KCNB2: variants seen among roughly 807,000 people sequenced by gnomAD.
KCNB2 encodes delayed rectifier potassium channel protein.
KCNB2 carries 15 observed loss-of-function variants against 61.5 expected under a neutral mutation model. The observed-to-expected ratio is 0.24, with a 90% CI of 0.16 to 0.38. The LOEUF is 0.38. Ranked by LOEUF, KCNB2 falls within the 10% of genes least tolerant of loss-of-function variation. The pLI, the probability that KCNB2 is intolerant of heterozygous loss-of-function variation, is 1.00. For missense variants in KCNB2, 828 were observed against 1,125.2 expected, an observed-to-expected ratio of 0.74 and a Z score of 3.78; for synonymous variants, 457 against 446.0, an observed-to-expected ratio of 1.02 and a Z score of -0.31.
chr8:72,790,064 G>A (rs1215442135), intron 2 of KCNB2, among the ~76,000 whole-genome samples: 3 of 152,140 alleles, frequency 2.0e-5, no homozygotes, highest in Non-Finnish European at 4.4e-5. Flanking sequence ...TGGGTTCAGA[G>A]TGGATGAAAG....
intron 2 of KCNB2, among the ~76,000 whole-genome samples, chr8:72,789,672 G>A (rs913832615): frequency 6.6e-6 from 1 of 152,140 alleles, no homozygotes. Flanking sequence ...GGACCCTGGA[G>A]TTTTTTGAGC....
intron 2 of KCNB2, among the ~76,000 whole-genome samples, chr8:72,904,922 T>C (rs1302991280): frequency 6.6e-6 from 1 of 152,126 alleles, no homozygotes; most frequent in Non-Finnish European, 1.5e-5. Context: ...CCTTGTCTTA[T>C]TCACTTTTGT....
chr8:72,557,137 G>T (rs1193553492), intron 1 of KCNB2, among the ~76,000 whole-genome samples: 1 of 152,112 alleles, frequency 6.6e-6, no homozygotes, highest in African/African-American at 2.4e-5. Context: ...ATTCTGATGG[G>T]ATGCAAGCAT....
At chr8:72,735,011 C>T (rs546993076) in intron 2 of KCNB2, among the ~76,000 whole-genome samples, 5 of 152,252 alleles carry the variant, frequency 3.3e-5, no homozygotes, top group Non-Finnish European at 5.9e-5. Flanking sequence ...GGACAAGATG[C>T]ATTTATCTGA....
At chr8:72,713,095 C>T (rs1032012976) in intron 2 of KCNB2, among the ~76,000 whole-genome samples, 14 of 152,202 alleles carry the variant, frequency 9.2e-5, no homozygotes, top group Admixed American at 3.9e-4. Context: ...AGCTGCAAGG[C>T]GGCAGCAAGG....
Position 72,640,412 on chromosome 8 carries a change from T to G in KCNB2, c.579+72099T>G, listed in dbSNP as rs140998850. Among the ~76,000 whole-genome samples, 379 of 152,168 alleles carry G rather than the reference T, an allele frequency of 2.5e-3. 3 individuals carry two copies. Among genetic ancestry groups the G allele is most frequent in the African/African-American group, 7.9e-3 (328 of 41,544 alleles). On this transcript the variant is annotated intron_variant, in intron 2 of 2. Coordinates refer to ENST00000523207, the MANE Select transcript of KCNB2 (RefSeq NM_004770.3). ...TTTTTTTCTTTATTATGGTCATCAGTGATCTGATGTCAAGGCATATTGTGG... is the reference window on the plus strand; with the variant it reads ...TTTTTTTCTTTATTATGGTCATCAGGGATCTGATGTCAAGGCATATTGTGG...
chr8:72,739,160 T>C (rs752020634), intron 2 of KCNB2, among the ~76,000 whole-genome samples: 1 of 152,046 alleles, frequency 6.6e-6, no homozygotes, highest in Non-Finnish European at 1.5e-5. Context: ...ATGTTCTCAC[T>C]CAAAGTTTCT....
At chr8:72,777,178 G>A (rs1374070833) in intron 2 of KCNB2, among the ~76,000 whole-genome samples, 4 of 152,282 alleles carry the variant, frequency 2.6e-5, no homozygotes, top group African/African-American at 9.6e-5. Flanking sequence ...TGAATCAAGT[G>A]TCTAGAGGTG....
chr8:72,854,833 G>A (rs1303996068), intron 2 of KCNB2, among the ~76,000 whole-genome samples: 1 of 152,014 alleles, frequency 6.6e-6, no homozygotes, highest in Non-Finnish European at 1.5e-5. Flanking sequence ...TTACAGGTCA[G>A]GTTAGAAGGC....
At chr8:72,654,933 A>G (rs1585809766) in intron 2 of KCNB2, among the ~76,000 whole-genome samples, 1 of 152,166 alleles carries the variant, frequency 6.6e-6, no homozygotes, top group Non-Finnish European at 1.5e-5. Flanking sequence ...TGACTCAGCA[A>G]TCCCATTGTT....
At chr8:72,615,341 TG>T (rs1805601789) in intron 2 of KCNB2, among the ~76,000 whole-genome samples, 1 of 152,184 alleles carries the variant, frequency 6.6e-6, no homozygotes, top group African/African-American at 2.4e-5. Context: ...GACTGCTACA[TG>T]GCTCTGAAAT....
At chr8:72,933,214 G>T (rs1157523202) in intron 2 of KCNB2, among the ~76,000 whole-genome samples, 1 of 152,174 alleles carries the variant, frequency 6.6e-6, no homozygotes, top group Non-Finnish European at 1.5e-5. Flanking sequence ...TTGTTAAGCT[G>T]TGGTCAACTA....
At chr8:72,586,507 A>G (rs569047340) in intron 2 of KCNB2, among the ~76,000 whole-genome samples, 1 of 152,228 alleles carries the variant, frequency 6.6e-6, no homozygotes, top group South Asian at 2.1e-4. Flanking sequence ...AATAGAAAAG[A>G]ACTAAGGAAA....
At position 72,834,569 on chromosome 8, in the gene KCNB2, CCT is replaced by C. The variant is rs1200602047; in HGVS notation, c.580-101365_580-101364del. ...CAAACCAAAATTCCTTGCTGGAAGT[CCT>C]GAGCCACAAACCTGAGCCAGGCCTA... On this transcript the variant is annotated intron_variant, in intron 2 of 2. Coordinates refer to ENST00000523207, the MANE Select transcript of KCNB2 (RefSeq NM_004770.3). Among the ~76,000 whole-genome samples the C allele has an allele frequency of 3.9e-5, 6 of 152,226 alleles. No homozygotes were observed. In the East Asian group the frequency reaches 1.2e-3, roughly 30 times the overall value.
intron 2 of KCNB2, among the ~76,000 whole-genome samples, chr8:72,609,396 C>G (rs530360415): frequency 1.3e-5 from 2 of 152,286 alleles, no homozygotes; most frequent in South Asian, 4.1e-4. Flanking sequence ...GTCAACACTT[C>G]TTTTTCAAGA....
chr8:72,694,526 T>A (rs372809370), intron 2 of KCNB2, among the ~76,000 whole-genome samples: 3 of 152,210 alleles, frequency 2.0e-5, no homozygotes, highest in Non-Finnish European at 4.4e-5. Flanking sequence ...GTATGGAAAC[T>A]CTTGATCAAA....
intron 2 of KCNB2, among the ~76,000 whole-genome samples, chr8:72,867,497 A>C (rs956175553): frequency 2.6e-5 from 4 of 152,150 alleles, no homozygotes; most frequent in Non-Finnish European, 4.4e-5. Context: ...AAAACAAAAC[A>C]AAACAAAGCA....
intron 2 of KCNB2, among the ~76,000 whole-genome samples, chr8:72,746,380 T>A (rs796423756): frequency 7.9e-5 from 12 of 152,242 alleles, no homozygotes; most frequent in African/African-American, 2.4e-4. Flanking sequence ...TTGAGAGTGG[T>A]CATAAATAGA....
intron 2 of KCNB2, among the ~76,000 whole-genome samples, chr8:72,923,349 G>A (rs1806562140): frequency 6.6e-6 from 1 of 152,126 alleles, no homozygotes; most frequent in South Asian, 2.1e-4. Flanking sequence ...AGACGGTTTT[G>A]TAGGGCCATT....
Sources: gnomAD v4.1 joint callset for allele counts (sites outside exome capture counted in the v4.1 genomes callset) on GRCh38, gnomAD v4.1.1 for gene constraint, MANE v1.5 for transcripts, NCBI Gene and HGNC (gene_info 2026-07-23, HGNC 2026-07-21) for gene names.